Variants in TENM3 observed in about 807,000 individuals in gnomAD.
The protein encoded by TENM3 is teneurin transmembrane protein 3.
A neutral mutation model predicts 255.1 loss-of-function variants in TENM3; 63 were observed. The observed-to-expected ratio is 0.25, with a 90% CI of 0.20 to 0.30. The LOEUF is 0.30. Ranked by LOEUF, TENM3 falls within the 10% of genes least tolerant of loss-of-function variation. The probability of loss-of-function intolerance (pLI) is 1.00; values close to 1 mark genes in which losing one functional copy is unlikely to be tolerated. For synonymous variants in TENM3, 1,306 were observed against 1,322.3 expected (o/e 0.99, Z 0.27); for missense variants, 2,929 against 3,461.1 (o/e 0.85, Z 3.86).
the TENM3 span, among the ~76,000 whole-genome samples, chr4:182,081,604 A>AG: frequency 7.2e-6 from 1 of 139,110 alleles, no homozygotes; most frequent in Middle Eastern, 3.3e-3. Flanking sequence ...AAAAAAAAAA[A>AG]AGAAGAAGAA....
chr4:182,619,387 C>A (rs1294500527), intron 4 of TENM3, among the ~76,000 whole-genome samples: 1 of 151,688 alleles, frequency 6.6e-6, no homozygotes, highest in Non-Finnish European at 1.5e-5. Flanking sequence ...GCCGAGATCA[C>A]GCTACTGCAC....
the TENM3 span, among the ~76,000 whole-genome samples, chr4:181,994,268 A>G: frequency 2.4e-3 from 364 of 152,242 alleles, 2 homozygotes; most frequent in Non-Finnish European, 4.3e-3. Flanking sequence ...AGATAATTCA[A>G]ATTGGGGTGG....
chr4:182,621,773 TTATATATAATTA>T (rs1750268818), intron 4 of TENM3, among the ~76,000 whole-genome samples: 1 of 61,134 alleles, frequency 1.6e-5, no homozygotes, highest in Non-Finnish European at 3.1e-5. Context: ...TAATTATATA[TTATATATAATTA>T]TATATATAAT....
At chr4:182,439,367 A>G (rs1414977687) in intron 3 of TENM3, among the ~76,000 whole-genome samples, 1 of 152,220 alleles carries the variant, frequency 6.6e-6, no homozygotes, top group Non-Finnish European at 1.5e-5. Context: ...CCCTAAGCAC[A>G]TTGGCTTTTT....
chr4:182,664,354 T>A lies in TENM3; in HGVS notation c.1112-8651T>A, dbSNP rs558117403. ...TGGGGTGCCAGAAACCACACCCACA[T>A]AAGACAGCGAACTTAATAAATGTGT... On this transcript the variant is annotated intron_variant, in intron 6 of 27. Coordinates refer to ENST00000511685, the MANE Select transcript of TENM3 (RefSeq NM_001080477.4). Among the ~76,000 whole-genome samples the A allele has an allele frequency of 1.8e-4, 28 of 152,336 alleles. No homozygotes were observed. In the South Asian group the frequency reaches 5.4e-3, roughly 29 times the overall value.
chr4:182,071,966 A>G, the TENM3 span, among the ~76,000 whole-genome samples: 2 of 152,208 alleles, frequency 1.3e-5, no homozygotes, highest in Admixed American at 6.5e-5. Flanking sequence ...AACAAAAAAA[A>G]CACTAACCTT....
the TENM3 span, among the ~76,000 whole-genome samples, chr4:181,900,784 C>T: frequency 6.6e-6 from 1 of 152,176 alleles, no homozygotes; most frequent in Non-Finnish European, 1.5e-5. Flanking sequence ...CCCTTCCTTT[C>T]CCCCGGAGCA....
At chr4:182,675,669 A>G (rs949582433) in intron 7 of TENM3, among the ~76,000 whole-genome samples, 6 of 152,212 alleles carry the variant, frequency 3.9e-5, no homozygotes, top group East Asian at 1.9e-4. Flanking sequence ...CTGAAACCGC[A>G]TATGTGATTA....
At chr4:182,218,517 A>G (rs1755647865) in intron 1 of TENM3, among the ~76,000 whole-genome samples, 1 of 152,158 alleles carries the variant, frequency 6.6e-6, no homozygotes. Flanking sequence ...TAAATGAGAA[A>G]ATTGAAACCA....
chr4:182,757,784 C>G (rs182821501), intron 22 of TENM3, among the ~76,000 whole-genome samples: 3 of 152,164 alleles, frequency 2.0e-5, no homozygotes, highest in Admixed American at 2.0e-4. Context: ...AATGGGAAAA[C>G]ATTATTTTAA....
At chr4:181,598,129 G>A in the TENM3 span, among the ~76,000 whole-genome samples, 11 of 152,252 alleles carry the variant, frequency 7.2e-5, no homozygotes, top group East Asian at 9.7e-4. Flanking sequence ...CTAATTTCAC[G>A]TGCTAAGCAA....
the TENM3 span, among the ~76,000 whole-genome samples, chr4:182,088,701 G>C: frequency 2.5e-3 from 380 of 152,096 alleles, 2 homozygotes; most frequent in African/African-American, 8.7e-3. Flanking sequence ...GGGCGTGGTG[G>C]CAAGCGCCTG....
At chr4:181,677,825 C>T in the TENM3 span, among the ~76,000 whole-genome samples, 2 of 152,104 alleles carry the variant, frequency 1.3e-5, no homozygotes, top group Non-Finnish European at 2.9e-5. Context: ...GAGGTCCAGA[C>T]TCATTAGCCT....
the TENM3 span, among the ~76,000 whole-genome samples, chr4:181,739,853 T>C: frequency 5.9e-5 from 9 of 152,186 alleles, no homozygotes; most frequent in Non-Finnish European, 1.2e-4. Context: ...AATAATCGCA[T>C]TCTCTTCACA....
At chr4:182,108,901 AGT>A in the TENM3 span, among the ~76,000 whole-genome samples, 1 of 152,136 alleles carries the variant, frequency 6.6e-6, no homozygotes, top group Admixed American at 6.6e-5. Context: ...CATCAAGAAA[AGT>A]GTATGAATAA....
chr4:182,273,601 T>C (rs1054646336), intron 1 of TENM3, among the ~76,000 whole-genome samples: 7 of 152,340 alleles, frequency 4.6e-5, no homozygotes, highest in South Asian at 2.1e-4. Context: ...CCGCATTTCA[T>C]TGATACATGC....
chr4:182,013,229 T>C, the TENM3 span, among the ~76,000 whole-genome samples: 1 of 152,016 alleles, frequency 6.6e-6, no homozygotes. Context: ...AGTTTTGGAG[T>C]TTTTTCCTGT....
At chr4:182,013,878 C>G in the TENM3 span, among the ~76,000 whole-genome samples, 8 of 149,238 alleles carry the variant, frequency 5.4e-5, no homozygotes, top group African/African-American at 2.0e-4. Flanking sequence ...ATATGTAATA[C>G]TTATATATTA....
At chr4:182,429,190 A>C (rs980563572) in intron 3 of TENM3, among the ~76,000 whole-genome samples, 2 of 152,206 alleles carry the variant, frequency 1.3e-5, no homozygotes, top group Non-Finnish European at 2.9e-5. Flanking sequence ...CACACAACTA[A>C]ATTGTGACAG....
Sources: allele counts gnomAD v4.1 joint callset (sites outside exome capture counted in the v4.1 genomes callset), GRCh38; gene constraint gnomAD v4.1.1; transcripts MANE v1.5; gene names NCBI Gene and HGNC (gene_info 2026-07-23, HGNC 2026-07-21).